The following PCOLCE2 variants were observed in gnomAD, a reference collection of about 807,000 sequenced individuals.
PCOLCE2 encodes procollagen C-endopeptidase enhancer 2.
A neutral mutation model predicts 47.0 loss-of-function variants in PCOLCE2; 42 were observed. The ratio of observed to expected loss-of-function variants is 0.89; its 90% confidence interval spans 0.70 to 1.16. The LOEUF is 1.16. PCOLCE2 is among the 50% of genes most tolerant of loss of function. The pLI, the probability that PCOLCE2 is intolerant of heterozygous loss-of-function variation, is 0.00. For synonymous variants in PCOLCE2, 169 were observed against 191.7 expected (o/e 0.88, Z 0.98); for missense variants, 500 against 526.1 (o/e 0.95, Z 0.49).
At chr3:142,843,164 A>G in intron 3 of PCOLCE2, 116 bp from the exon 4 acceptor site, 1 of 974,040 alleles carries the variant, frequency 1.0e-6, no homozygotes. Flanking sequence ...TAAAGGCAAC[A>G]GCAGAAGCGC....
chr3:142,859,283 G>A (rs1933133707), intron 2 of PCOLCE2, among the ~76,000 whole-genome samples: 1 of 151,736 alleles, frequency 6.6e-6, no homozygotes, highest in African/African-American at 2.4e-5. Context: ...GGCTGGTCTC[G>A]AACTCCTGAC....
intron 2 of PCOLCE2, among the ~76,000 whole-genome samples, chr3:142,850,350 A>G (rs1937376155): frequency 1.3e-5 from 2 of 152,210 alleles, no homozygotes; most frequent in Non-Finnish European, 2.9e-5. Flanking sequence ...GACTATTTGT[A>G]TAAATGTATA....
intron 8 of PCOLCE2, 64 bp from the exon 9 acceptor site, chr3:142,818,529 C>G: frequency 1.8e-5 from 21 of 1,165,864 alleles, no homozygotes; most frequent in Non-Finnish European, 2.6e-5. Flanking sequence ...ACAACTTAGA[C>G]TGTAAGTTAC....
At chr3:142,880,561 A>C (rs1933592992) in intron 2 of PCOLCE2, among the ~76,000 whole-genome samples, 1 of 152,226 alleles carries the variant, frequency 6.6e-6, no homozygotes, top group Non-Finnish European at 1.5e-5. Flanking sequence ...ACCACTGCTG[A>C]CTTTCTTCTC....
chr3:142,850,808 G>C (rs533124741), intron 2 of PCOLCE2, among the ~76,000 whole-genome samples: 2 of 90,506 alleles, frequency 2.2e-5, no homozygotes, highest in Non-Finnish European at 5.3e-5. Context: ...ATAATATGGG[G>C]GTAAGGAAGG....
At chr3:142,880,667 G>T (rs555221071) in intron 2 of PCOLCE2, among the ~76,000 whole-genome samples, 1 of 152,186 alleles carries the variant, frequency 6.6e-6, no homozygotes, top group Admixed American at 6.5e-5. Context: ...ATTTAAAATT[G>T]ATCAGGCATC....
intron 2 of PCOLCE2, among the ~76,000 whole-genome samples, chr3:142,875,274 G>T (rs1462369157): frequency 6.6e-6 from 1 of 152,194 alleles, no homozygotes; most frequent in East Asian, 1.9e-4. Context: ...AGCAGCTGAT[G>T]ACTGTGCCAG....
intron 2 of PCOLCE2, among the ~76,000 whole-genome samples, chr3:142,861,668 C>T (rs1933185120): frequency 2.0e-5 from 3 of 152,022 alleles, no homozygotes; most frequent in African/African-American, 7.3e-5. Context: ...TTTCTGTTGC[C>T]TTGGAGTTTT....
chr3:142,851,457 G>C (rs1297459004), intron 2 of PCOLCE2, among the ~76,000 whole-genome samples: 1 of 152,148 alleles, frequency 6.6e-6, no homozygotes, highest in Non-Finnish European at 1.5e-5. Flanking sequence ...GAGAGTTGAA[G>C]ACATAGGCAA....
intron 5 of PCOLCE2, 46 bp downstream of exon 5, chr3:142,838,724 G>A (rs1299807080): frequency 6.5e-7 from 1 of 1,548,166 alleles, no homozygotes; most frequent in East Asian, 2.3e-5. Context: ...CAAGAAACAA[G>A]TTTAGAGCCA....
chr3:142,845,778 CA>C (rs1276470575), intron 3 of PCOLCE2, among the ~76,000 whole-genome samples: 2 of 152,140 alleles, frequency 1.3e-5, no homozygotes, highest in Non-Finnish European at 2.9e-5. Flanking sequence ...AGTTCGAAAC[CA>C]GCCTGGCCAA....
intron 2 of PCOLCE2, among the ~76,000 whole-genome samples, chr3:142,851,906 C>G (rs942395990): frequency 2.0e-5 from 3 of 152,140 alleles, no homozygotes; most frequent in African/African-American, 7.2e-5. Context: ...AACTACAGGA[C>G]TTGGATGCTC....
chr3:142,861,257 T>C (rs999315213), intron 2 of PCOLCE2, among the ~76,000 whole-genome samples: 1 of 152,232 alleles, frequency 6.6e-6, no homozygotes, highest in Non-Finnish European at 1.5e-5. Flanking sequence ...AGGATTTTTG[T>C]GAGTAAATTT....
chr3:142,864,784 T>C (rs1488223492), intron 2 of PCOLCE2, among the ~76,000 whole-genome samples: 1 of 152,250 alleles, frequency 6.6e-6, no homozygotes, highest in East Asian at 1.9e-4. Flanking sequence ...TGCATCTGGC[T>C]TCTTTCACTT....
At chr3:142,825,442 A>G (rs140755753) in intron 6 of PCOLCE2, among the ~76,000 whole-genome samples, 4 of 152,024 alleles carry the variant, frequency 2.6e-5, no homozygotes, top group South Asian at 2.1e-4. Flanking sequence ...GATCGTTTCT[A>G]TGGGTCCACC....
intron 2 of PCOLCE2, among the ~76,000 whole-genome samples, chr3:142,885,556 A>G (rs1933704957): frequency 6.6e-6 from 1 of 152,214 alleles, no homozygotes; most frequent in Admixed American, 6.5e-5. Context: ...AGCCTGGTGC[A>G]TGTATCCTTC....
intron 6 of PCOLCE2, among the ~76,000 whole-genome samples, chr3:142,828,428 G>T (rs186368391): frequency 6.6e-5 from 10 of 152,290 alleles, no homozygotes; most frequent in Admixed American, 3.9e-4. Context: ...AGTGCTCACA[G>T]TGGCTGCCAT....
At chr3:142,885,867 C>T (rs768693309) in intron 2 of PCOLCE2, among the ~76,000 whole-genome samples, 40 of 152,316 alleles carry the variant, frequency 2.6e-4, no homozygotes, top group South Asian at 1.4e-3. Context: ...TTACCTTCTT[C>T]GCTTCTCTTC....
At chr3:142,848,602 T>A in intron 2 of PCOLCE2, 130 bp from the exon 3 acceptor site, 1 of 797,644 alleles carries the variant, frequency 1.3e-6, no homozygotes, top group Non-Finnish European at 1.9e-6. Context: ...ATATCTGAAC[T>A]AACCCAAGGG....
Sources: allele counts gnomAD v4.1 joint callset (sites outside exome capture counted in the v4.1 genomes callset), GRCh38; gene constraint gnomAD v4.1.1; transcripts MANE v1.5; gene names NCBI Gene and HGNC (gene_info 2026-07-23, HGNC 2026-07-21).